TRMT44: variants seen among roughly 807,000 people sequenced by gnomAD.
TRMT44 encodes the protein tRNA methyltransferase 44 homolog, also known as probable tRNA (uracil-O(2)-)-methyltransferase.
Under a neutral mutation model 77.3 loss-of-function variants are expected in TRMT44, and 78 were observed. That is an observed-to-expected ratio of 1.01 (90% CI 0.84 to 1.22). The LOEUF (loss-of-function observed/expected upper bound fraction) is 1.22. Ranked by LOEUF, TRMT44 falls within the 50% of genes most tolerant of loss-of-function variation. The pLI is 0.00. For synonymous variants in TRMT44, 391 were observed against 383.3 expected (o/e 1.02, Z -0.23); for missense variants, 1,090 against 964.4 (o/e 1.13, Z -1.73).
chr4:8,460,149 A>T (rs1414022385), intron 6 of TRMT44, among the ~76,000 whole-genome samples: 1 of 151,858 alleles, frequency 6.6e-6, no homozygotes, highest in Non-Finnish European at 1.5e-5. Context: ...CCCTAATGGG[A>T]AAAAAGTCAT....
intron 10 of TRMT44, 105 bp from the exon 11 acceptor site, chr4:8,475,667 A>C: frequency 2.0e-6 from 2 of 1,024,330 alleles, no homozygotes; most frequent in Non-Finnish European, 2.9e-6. Flanking sequence ...TGTATCCCTG[A>C]CCCTGGATTG....
the TRMT44 span, among the ~76,000 whole-genome samples, chr4:8,502,121 T>C: frequency 6.6e-6 from 1 of 152,332 alleles, no homozygotes; most frequent in East Asian, 1.9e-4. Flanking sequence ...CCAAAATGGT[T>C]CTGACCCATA....
downstream of TRMT44, among the ~76,000 whole-genome samples, chr4:8,480,097 A>G (rs550331394): frequency 1.3e-5 from 2 of 152,084 alleles, no homozygotes; most frequent in African/African-American, 4.8e-5. Flanking sequence ...GGGGTGGCGA[A>G]TATTTGAGTT....
At chr4:8,513,416 C>G in the TRMT44 span, among the ~76,000 whole-genome samples, 2 of 152,182 alleles carry the variant, frequency 1.3e-5, no homozygotes, top group Admixed American at 1.3e-4. Flanking sequence ...CCACTGGGAT[C>G]CTCCCACGAC....
At chr4:8,466,129 C>A (rs77163651) in intron 8 of TRMT44, among the ~76,000 whole-genome samples, 9,959 of 152,150 alleles carry the variant, frequency 0.065, 634 homozygotes, top group African/African-American at 0.16. Flanking sequence ...TTGAAAGTAC[C>A]GTGGAAGTGT....
chr4:8,511,843 T>G, the TRMT44 span: 7 of 152,196 alleles, frequency 4.6e-5, no homozygotes, highest in Admixed American at 6.5e-5. Flanking sequence ...GATGAAATTC[T>G]AGGAGAGTCC....
At chr4:8,490,976 TAGAG>T (rs978747133) in intron 2 of TRMT44, among the ~76,000 whole-genome samples, 3 of 144,208 alleles carry the variant, frequency 2.1e-5, no homozygotes, top group South Asian at 2.2e-4. Flanking sequence ...AGCAGCTAGA[TAGAG>T]AGTGTCGACT....
At chr4:8,505,676 G>A in the TRMT44 span, among the ~76,000 whole-genome samples, 8 of 152,346 alleles carry the variant, frequency 5.3e-5, no homozygotes, top group East Asian at 1.5e-3. Flanking sequence ...AGACAGAGAG[G>A]CTGAGACACT....
intron 2 of TRMT44, among the ~76,000 whole-genome samples, chr4:8,485,180 A>G (rs1239318095): frequency 1.3e-5 from 2 of 152,224 alleles, no homozygotes; most frequent in Non-Finnish European, 2.9e-5. Context: ...GCTGGGACTG[A>G]TGGGTGTCAG....
chr4:8,446,627 T>G lies in TRMT44; in HGVS notation c.734+37T>G. ...ACAGTGGACTCCTAGTTTTATGGTT[T>G]CCATTGAGGATTTCTTTAGGTAGCC... On this transcript the variant is annotated intron_variant, in intron 2 of 10. Coordinates refer to ENST00000389737, the MANE Select transcript of TRMT44 (RefSeq NM_152544.3). This position sits in a 1 kb window ranked among gnomAD's most constrained non-coding sequence, Gnocchi z 4.3. 7.0e-7 allele frequency: 1 copy of G among 1,419,928 alleles called. No homozygotes were observed. The highest frequency in any genetic ancestry group is 9.5e-7 in the Non-Finnish European group (1 of 1,049,506). The allele number at this position is 1,419,928 out of a possible 1,614,324, so 88.0% of individuals were successfully genotyped here.
chr4:8,466,596 G>A (rs1447570142), intron 8 of TRMT44, among the ~76,000 whole-genome samples: 3 of 152,238 alleles, frequency 2.0e-5, no homozygotes, highest in Non-Finnish European at 4.4e-5. Context: ...CATCCTCTGT[G>A]TCCTCTGTTT....
rs746426692 is a variant in TRMT44 at position 8,475,942 on chromosome 4, G to C, written c.2215G>C (p.Ala739Pro). Residue 739 changes from alanine to proline, a missense_variant, in exon 11 of 11, where the codon GCC becomes CCC. Coordinates refer to ENST00000389737, the MANE Select transcript of TRMT44 (RefSeq NM_152544.3). ...CALSTDCCPFAHGPAELRPPR... is the reference protein window; with the variant it reads ...CALSTDCCPFPHGPAELRPPR... Reference sequence around the variant, plus strand: ...TCTGTCCACGGACTGCTGCCCGTTTGCCCATGGGCCTGCGGAGCTGCGGCC... The same window carrying C: ...TCTGTCCACGGACTGCTGCCCGTTTCCCCATGGGCCTGCGGAGCTGCGGCC... 1 of 1,614,148 alleles carries C rather than the reference G, an allele frequency of 6.2e-7. No homozygotes were observed. The highest frequency in any genetic ancestry group is 1.1e-5 in the South Asian group (1 of 91,076).
chr4:8,455,681 C>T (rs760013698), intron 6 of TRMT44, among the ~76,000 whole-genome samples: 1 of 152,214 alleles, frequency 6.6e-6, no homozygotes, highest in Non-Finnish European at 1.5e-5. Context: ...GCTCATTTAA[C>T]ATCCCATTCT....
chr4:8,450,063 T>G (rs2109099919), intron 3 of TRMT44, among the ~76,000 whole-genome samples, 175 bp downstream of exon 3: 1 of 146,932 alleles, frequency 6.8e-6, no homozygotes, highest in South Asian at 2.2e-4. Flanking sequence ...GCCTCCCGGG[T>G]TCAAGAGATT....
At chr4:8,449,266 G>A (rs1398729836) in intron 2 of TRMT44, among the ~76,000 whole-genome samples, 1 of 152,238 alleles carries the variant, frequency 6.6e-6, no homozygotes. Context: ...TGAGCACTTC[G>A]CCTTCTGGCA....
At position 8,475,635 on chromosome 4, in the gene TRMT44, G is replaced by A. The variant is rs368079423; in HGVS notation, c.2045-137G>A. On this transcript the variant is annotated intron_variant, in intron 10 of 10. Coordinates refer to ENST00000389737, the MANE Select transcript of TRMT44 (RefSeq NM_152544.3). ...GAGGCAGACTCACTGTGACCAGCAG[G>A]AACTCTAGGCTGTGTTCCGGTTGTA... 30 of 746,148 alleles carry A rather than the reference G, an allele frequency of 4.0e-5. 1 individual carries two copies. In the South Asian group the frequency reaches 5.3e-4, roughly 13 times the overall value. 46.2% of individuals were successfully genotyped at this position (746,148 alleles called of 1,614,324 possible).
chr4:8,500,674 T>G, the TRMT44 span, among the ~76,000 whole-genome samples: 14 of 150,832 alleles, frequency 9.3e-5, no homozygotes, highest in Admixed American at 7.2e-4. Context: ...TTTTTTTTTT[T>G]GAGGCAGAGT....
At chr4:8,503,361 A>T in the TRMT44 span, among the ~76,000 whole-genome samples, 1 of 152,232 alleles carries the variant, frequency 6.6e-6, no homozygotes, top group Non-Finnish European at 1.5e-5. Context: ...CGGCTCAAGC[A>T]TCTGCCCCGG....
At chr4:8,464,973 G>C (rs73213420) in intron 7 of TRMT44, among the ~76,000 whole-genome samples, 3,924 of 152,210 alleles carry the variant, frequency 0.026, 92 homozygotes, top group African/African-American at 0.065. Flanking sequence ...AACCAAAAAC[G>C]AAATGCCGCA....
Sources: allele counts gnomAD v4.1 joint callset (sites outside exome capture counted in the v4.1 genomes callset), GRCh38; gene constraint gnomAD v4.1.1; non-coding constraint Gnocchi (gnomAD v3.1); transcripts MANE v1.5; gene names NCBI Gene and HGNC (gene_info 2026-07-23, HGNC 2026-07-21).